ZNF732: variants seen among roughly 807,000 people sequenced by gnomAD.
ZNF732 encodes the protein zinc finger protein LOC654254.
A neutral mutation model predicts 11.5 loss-of-function variants in ZNF732; 12 were observed. The ratio of observed to expected loss-of-function variants is 1.05; its 90% CI spans 0.67 to 1.70. The LOEUF is 1.70. Ranked by LOEUF, ZNF732 falls within the 40% of genes most tolerant of loss-of-function variation. The probability of loss-of-function intolerance (pLI) is 0.00; values close to 1 mark genes in which losing one functional copy is unlikely to be tolerated. For missense variants in ZNF732, 702 were observed against 676.9 expected, an observed-to-expected ratio of 1.04 and a Z score of -0.41; for synonymous variants, 231 against 236.5, an observed-to-expected ratio of 0.98 and a Z score of 0.21.
intron 1 of ZNF732, among the ~76,000 whole-genome samples, chr4:301,546 T>C (rs570297601): frequency 6.6e-6 from 1 of 152,142 alleles, no homozygotes; most frequent in African/African-American, 2.4e-5. Flanking sequence ...CCATAAAAAA[T>C]GATGAGTTCG....
chr4:272,578 A>G lies in ZNF732; in HGVS notation c.279T>C (p.Asp93=). 1 of 1,587,484 alleles carries G rather than the reference A, an allele frequency of 6.3e-7. No individual in the cohort carries two copies. The highest frequency in any genetic ancestry group is 8.6e-7 in the Non-Finnish European group (1 of 1,168,894). The change falls in exon 4 of 4, where the codon GAT becomes GAC. Residue 93 remains aspartate (D), a synonymous_variant. Coordinates refer to ENST00000419098, the MANE Select transcript of ZNF732 (RefSeq NM_001137608.3). ...TTCTTAATATAAGTTTGTGGAACGA[A>G]TCTTCTATCCCCTGCACTGGCAAAA... The part of the protein sequence containing the change: ...QDFLPVQGIE[D]SFHKLILRRY...
intron 3 of ZNF732, among the ~76,000 whole-genome samples, chr4:278,057 T>G (rs1719537799): frequency 6.6e-6 from 1 of 152,200 alleles, no homozygotes; most frequent in African/African-American, 2.4e-5. Context: ...GAGAATATAA[T>G]TTTGATATTT....
intron 3 of ZNF732, 100 bp from the exon 4 acceptor site, chr4:272,730 G>T (rs1234042703): frequency 8.7e-7 from 1 of 1,153,124 alleles, no homozygotes; most frequent in South Asian, 2.3e-5. Flanking sequence ...TAGTAAGATG[G>T]CATAACAAAA....
At chr4:296,725 T>A (rs1456222921) in intron 1 of ZNF732, among the ~76,000 whole-genome samples, 1 of 152,160 alleles carries the variant, frequency 6.6e-6, no homozygotes, top group Non-Finnish European at 1.5e-5. Flanking sequence ...AGTTCATGAA[T>A]TAGCTTCTTA....
intron 3 of ZNF732, among the ~76,000 whole-genome samples, chr4:275,620 G>C (rs189505410): frequency 9.9e-5 from 15 of 151,858 alleles, no homozygotes; most frequent in Admixed American, 6.5e-4. Context: ...GAGTAATTTA[G>C]ACACTCATAA....
chr4:272,350 A>T lies in ZNF732; in HGVS notation c.507T>A (p.Phe169Leu). 1 of 1,608,670 alleles carries T rather than the reference A, an allele frequency of 6.2e-7. No individual in the cohort carries two copies. The highest frequency in any genetic ancestry group is 8.5e-7 in the Non-Finnish European group (1 of 1,176,832). Residue 169 changes from phenylalanine (F) to leucine (L), a missense_variant, in exon 4 of 4, where the codon TTT (phenylalanine) becomes TTA (leucine). This residue lies in a region of ZNF732 where 596 missense variants were observed against 557.9 expected (regional missense o/e 1.07). Coordinates refer to ENST00000419098, the MANE Select transcript of ZNF732 (RefSeq NM_001137608.3). ...TCTGAAATGACTTGCCACATTCTTT[A>T]AAGTGTTTCTCTCCAGTATGTCTTA... ...RRIRHTGEKH[F>L]KECGKSFQKF...
rs563872326 is a variant in ZNF732 at position 272,034 on chromosome 4, C to G, written c.823G>C (p.Glu275Gln). ...LTKHKRIHAE[E>Q]KPFTCEECGK... The stretch of plus-strand genomic sequence containing the variant: ...CATTCTTCACATGTGAAGGGTTTCT[C>G]TTCAGCATGAATTCTCTTATGCTTA... The change falls in exon 4 of 4, where the codon GAG becomes CAG. Residue 275 changes from glutamate (E) to glutamine (Q), a missense_variant. Physicochemically the swap from Glu to Gln is conservative, Grantham distance 29 (BLOSUM62 2). Transcript: ENST00000419098. The G allele has an allele frequency of 6.2e-7, 1 of 1,610,572 alleles. No homozygotes were observed. Among genetic ancestry groups the G allele is most frequent in the East Asian group, 2.2e-5 (1 of 44,796 alleles).
rs1553837729 is a variant in ZNF732 at position 272,010 on chromosome 4, A to C, written c.847T>G (p.Cys283Gly). 1.9e-6 allele frequency: 3 copies of C among 1,609,514 alleles called. No individual in the cohort carries two copies. ...AEEKPFTCEE[C>G]GKIITSSSNV... is the part of the protein sequence containing the mutation. ...GAGGATGAGGTAATGATTTTGCCAC[A>C]TTCTTCACATGTGAAGGGTTTCTCT... Residue 283 changes from cysteine to glycine, a missense_variant, in exon 4 of 4, where the codon TGT becomes GGT. Physicochemically the swap from Cys to Gly is radical, Grantham distance 159. Around this residue, in one of 3 missense-constraint regions of ZNF732, gnomAD observed 596 missense variants for 557.9 expected, o/e 1.07. Coordinates refer to ENST00000419098, the MANE Select transcript of ZNF732 (RefSeq NM_001137608.3).
At chr4:292,139 T>TA (rs1719852134) in intron 3 of ZNF732, among the ~76,000 whole-genome samples, 1 of 152,222 alleles carries the variant, frequency 6.6e-6, no homozygotes, top group Admixed American at 6.5e-5. Flanking sequence ...GCCCTGTTGA[T>TA]ACTGGCTTTG....
intron 1 of ZNF732, among the ~76,000 whole-genome samples, chr4:302,132 C>T (rs1720130551): frequency 6.6e-6 from 1 of 152,194 alleles, no homozygotes; most frequent in African/African-American, 2.4e-5. Flanking sequence ...CTTTGCTGCA[C>T]TTTGTGCACC....
intron 1 of ZNF732, among the ~76,000 whole-genome samples, chr4:299,480 T>G (rs1159875221): frequency 8.6e-6 from 1 of 116,406 alleles, no homozygotes; most frequent in African/African-American, 3.1e-5. Flanking sequence ...TATACACATA[T>G]ATACACATAT....
chr4:295,843 GAGA>G (rs1332728772), intron 2 of ZNF732, among the ~76,000 whole-genome samples, 183 bp downstream of exon 2: 2 of 152,106 alleles, frequency 1.3e-5, no homozygotes, highest in Non-Finnish European at 1.5e-5. Flanking sequence ...CTCAAGAAAA[GAGA>G]AGGTTTACGT....
In ZNF732 at chr4:277,998, A is replaced by G. The variant is rs530596522; in HGVS notation, c.227-5368T>C. 1.8e-4 allele frequency among the ~76,000 whole-genome samples: 28 copies of G among 152,306 alleles called. No homozygotes were observed. In the South Asian group the frequency reaches 5.8e-3, roughly 32 times the overall value. On this transcript the variant is annotated intron_variant, in intron 3 of 3. Transcript: ENST00000419098. ...CCAAGTGTCCAAAACTTGGATGAAT[A>G]AAGAAAATGTGGTATATATACACAA...
intron 3 of ZNF732, among the ~76,000 whole-genome samples, chr4:273,491 GAAT>G (rs1211847504): frequency 6.6e-6 from 1 of 151,774 alleles, no homozygotes; most frequent in Non-Finnish European, 1.5e-5. Context: ...AATGTAACCT[GAAT>G]AATGCTGAAT....
chr4:275,204 AT>A (rs1553838480), intron 3 of ZNF732, among the ~76,000 whole-genome samples: 2 of 151,704 alleles, frequency 1.3e-5, no homozygotes, highest in African/African-American at 4.8e-5. Context: ...ATTACTTTTA[AT>A]GACCAAACTG....
At chr4:293,604 T>C (rs1226496306) in intron 3 of ZNF732, among the ~76,000 whole-genome samples, 1 of 152,088 alleles carries the variant, frequency 6.6e-6, no homozygotes, top group African/African-American at 2.4e-5. Flanking sequence ...AGAAATCTAA[T>C]GTACAATAGC....
rs545322099 is a variant in ZNF732, at chr4:301,751, G to C, written c.3+3557C>G. Among the ~76,000 whole-genome samples, 75 of 152,290 alleles carry C rather than the reference G, an allele frequency of 4.9e-4. No individual in the cohort carries two copies. In the South Asian group the frequency reaches 0.015, roughly 30 times the overall value. On this transcript the variant is annotated intron_variant, in intron 1 of 3. Coordinates refer to ENST00000419098, the MANE Select transcript of ZNF732 (RefSeq NM_001137608.3). ...GAGGAGTGGGGAGGGACAGCATTAG[G>C]AGATATACCTAATATAAATGACGAG... is the stretch of plus-strand genomic sequence containing the variant.
intron 3 of ZNF732, among the ~76,000 whole-genome samples, chr4:292,900 A>T: frequency 7.8e-6 from 1 of 128,332 alleles, no homozygotes; most frequent in East Asian, 2.0e-4. Flanking sequence ...CAAAAAAAAA[A>T]AAAAAAAAAA....
At position 296,012 on chromosome 4, in the gene ZNF732, A is replaced by G; in HGVS notation, c.130+17T>C. 1.2e-6 allele frequency: 2 copies of G among 1,607,072 alleles called. No homozygotes were observed. Among genetic ancestry groups the G allele is most frequent in the African/African-American group, 2.7e-5 (2 of 74,478 alleles). On this transcript the variant is annotated intron_variant, in intron 2 of 3. Transcript: ENST00000419098. Reference sequence around the variant, plus strand: ...CCTGAGGGAGTATTAGGAATTATTTACTGAAGTTATCCTCACCCAGGGAGA... The same window carrying G: ...CCTGAGGGAGTATTAGGAATTATTTGCTGAAGTTATCCTCACCCAGGGAGA...
Sources: allele counts gnomAD v4.1 joint callset (sites outside exome capture counted in the v4.1 genomes callset), GRCh38; gene constraint gnomAD v4.1.1; regional missense constraint gnomAD v4.1.1; transcripts MANE v1.5; gene names NCBI Gene and HGNC (gene_info 2026-07-23, HGNC 2026-07-21).